Variants in SCFD2 observed in about 807,000 individuals in gnomAD.
The protein encoded by SCFD2 is sec1 family domain-containing protein 2.
In SCFD2, 54 loss-of-function variants were observed where a neutral mutation model predicts 58.9. The observed-to-expected ratio is 0.92, with a 90% confidence interval of 0.74 to 1.15. The LOEUF is 1.15. SCFD2 is among the 50% of genes most tolerant of loss of function. The pLI is 0.00. For missense variants in SCFD2, 805 were observed against 836.6 expected (o/e 0.96, Z 0.47); for synonymous variants, 321 against 335.9 (o/e 0.96, Z 0.49).
At chr4:52,892,824 C>T (rs573724713) in intron 7 of SCFD2, among the ~76,000 whole-genome samples, 1 of 152,328 alleles carries the variant, frequency 6.6e-6, no homozygotes, top group African/African-American at 2.4e-5. Context: ...TCTTCCTTAA[C>T]CGCAACAATG....
chr4:53,085,220 T>C (rs1724270571), intron 5 of SCFD2, among the ~76,000 whole-genome samples: 2 of 152,148 alleles, frequency 1.3e-5, no homozygotes, highest in African/African-American at 4.8e-5. Flanking sequence ...CAAATATCAG[T>C]ATTATTTCTA....
chr4:52,899,553 C>T (rs1719126896), intron 7 of SCFD2, among the ~76,000 whole-genome samples: 1 of 152,188 alleles, frequency 6.6e-6, no homozygotes, highest in Non-Finnish European at 1.5e-5. Context: ...TTGTGGGTAA[C>T]CCGACCTTTC....
chr4:53,220,046 G>T (rs770806628), intron 4 of SCFD2, among the ~76,000 whole-genome samples: 1 of 152,060 alleles, frequency 6.6e-6, no homozygotes, highest in Admixed American at 6.6e-5. Flanking sequence ...TCTCTCCCCA[G>T]TCAGCCTCAT....
intron 4 of SCFD2, among the ~76,000 whole-genome samples, chr4:53,211,114 G>A (rs549475135): frequency 2.0e-5 from 3 of 152,106 alleles, no homozygotes; most frequent in East Asian, 3.9e-4. Context: ...ATGGTGGCAC[G>A]CACCTGTAGT....
intron 5 of SCFD2, among the ~76,000 whole-genome samples, chr4:53,105,874 C>T (rs1165636803): frequency 6.9e-6 from 1 of 145,804 alleles, no homozygotes; most frequent in Non-Finnish European, 1.5e-5. Context: ...GGTCCCTGAC[C>T]CCCCCACCCC....
intron 5 of SCFD2, among the ~76,000 whole-genome samples, chr4:53,142,445 C>T (rs1274975323): frequency 6.6e-6 from 1 of 152,202 alleles, no homozygotes; most frequent in African/African-American, 2.4e-5. Context: ...AATTTTGCCA[C>T]TCAGTAACAA....
At chr4:52,875,349 C>A (rs1342722637) in intron 8 of SCFD2, among the ~76,000 whole-genome samples, 2 of 152,148 alleles carry the variant, frequency 1.3e-5, no homozygotes, top group African/African-American at 4.8e-5. Context: ...GCGTGATGTG[C>A]TTTGCAAGGG....
At chr4:52,888,913 C>T (rs539521406) in intron 7 of SCFD2, among the ~76,000 whole-genome samples, 20 of 152,310 alleles carry the variant, frequency 1.3e-4, no homozygotes, top group South Asian at 2.1e-4. Context: ...CTCCTGCAGA[C>T]GACACCTCCT....
intron 4 of SCFD2, among the ~76,000 whole-genome samples, chr4:53,248,462 T>C (rs572180703): frequency 9.8e-5 from 15 of 152,350 alleles, no homozygotes; most frequent in South Asian, 2.1e-4. Context: ...GCTCCACCTC[T>C]AGGGGCAGGG....
intron 5 of SCFD2, among the ~76,000 whole-genome samples, chr4:52,969,998 T>G (rs1308225793): frequency 6.6e-6 from 1 of 151,936 alleles, no homozygotes; most frequent in Non-Finnish European, 1.5e-5. Context: ...TTAAAGAGGG[T>G]AAAAATCTCA....
chr4:53,028,687 G>C lies in SCFD2; in HGVS notation c.1562-107817C>G, dbSNP rs114944921. Among the ~76,000 whole-genome samples the C allele has an allele frequency of 2.5e-3, 382 of 152,290 alleles. 4 individuals carry two copies. Among genetic ancestry groups the C allele is most frequent in the African/African-American group, 8.6e-3 (357 of 41,554 alleles). On this transcript the variant is annotated intron_variant, in intron 5 of 8. Coordinates refer to ENST00000401642, the MANE Select transcript of SCFD2 (RefSeq NM_152540.4). The stretch of plus-strand genomic sequence containing the variant: ...GGAGAGAGTAAGAAGAAAAAAAGAA[G>C]AGGAAGAAAGCTCTTCCCCGGGGTT...
Position 53,202,466 on chromosome 4 carries a change from T to C in SCFD2, c.1312-56884A>G, listed in dbSNP as rs896613195. On this transcript the variant is annotated intron_variant, in intron 4 of 8. Transcript: ENST00000401642. ...GTTTGAAGTCAGGTAGCATGATGCCTCCAGCTTTGTTCTTTTGGCTTAGGA... is the reference window on the plus strand; with the variant it reads ...GTTTGAAGTCAGGTAGCATGATGCCCCCAGCTTTGTTCTTTTGGCTTAGGA... 2.6e-5 allele frequency among the ~76,000 whole-genome samples: 4 copies of C among 151,034 alleles called. 1 individual carries two copies. In the East Asian group the frequency reaches 7.8e-4, roughly 29 times the overall value.
chr4:53,338,553 C>A (rs1484037989), intron 2 of SCFD2, among the ~76,000 whole-genome samples: 2 of 143,252 alleles, frequency 1.4e-5, no homozygotes, highest in Non-Finnish European at 1.5e-5. Context: ...AGATGGAGGC[C>A]AAAAGAAAGC....
chr4:52,983,287 G>A (rs550360905), intron 5 of SCFD2, among the ~76,000 whole-genome samples: 4 of 152,226 alleles, frequency 2.6e-5, no homozygotes, highest in Admixed American at 1.3e-4. Flanking sequence ...TTTTAAGGAC[G>A]GATACAACTA....
chr4:53,285,584 T>TA (rs1370596217), intron 3 of SCFD2, among the ~76,000 whole-genome samples: 8 of 151,092 alleles, frequency 5.3e-5, no homozygotes, highest in Non-Finnish European at 7.4e-5. Flanking sequence ...ACCAAAACAA[T>TA]AAAAAACAAC....
At chr4:52,972,605 C>T (rs1183554654) in intron 5 of SCFD2, among the ~76,000 whole-genome samples, 2 of 152,090 alleles carry the variant, frequency 1.3e-5, no homozygotes, top group East Asian at 1.9e-4. Context: ...TTAGACAGAT[C>T]AACAAGACAG....
At chr4:53,163,744 G>C (rs1292883457) in intron 4 of SCFD2, among the ~76,000 whole-genome samples, 1 of 152,044 alleles carries the variant, frequency 6.6e-6, no homozygotes, top group Non-Finnish European at 1.5e-5. Flanking sequence ...GGGGTCAGAG[G>C]GGAGGAGAGA....
chr4:53,361,544 G>A (rs1013357911), intron 1 of SCFD2, among the ~76,000 whole-genome samples: 16 of 152,196 alleles, frequency 1.1e-4, no homozygotes, highest in Admixed American at 3.3e-4. Flanking sequence ...CCACAGGCAT[G>A]AGCCACTATA....
chr4:52,927,306 T>C (rs1223792591), intron 5 of SCFD2, among the ~76,000 whole-genome samples: 1 of 92,530 alleles, frequency 1.1e-5, no homozygotes, highest in Non-Finnish European at 2.0e-5. Context: ...ACTAAGGTAA[T>C]TTTTTTTTTT....
Sources: gnomAD v4.1 joint callset for allele counts (sites outside exome capture counted in the v4.1 genomes callset) on GRCh38, gnomAD v4.1.1 for gene constraint, MANE v1.5 for transcripts, NCBI Gene and HGNC (gene_info 2026-07-23, HGNC 2026-07-21) for gene names.